The following TET3 variants were observed in gnomAD, a reference collection of about 807,000 sequenced individuals.
The protein encoded by TET3 is tet methylcytosine dioxygenase 3.
TET3 carries 19 observed loss-of-function variants against 141.4 expected under a neutral mutation model. The observed-to-expected ratio is 0.13, with a 90% CI of 0.09 to 0.20. The LOEUF is 0.20. Among genes scored for constraint, TET3 ranks in the 10% least tolerant of loss-of-function variants. The pLI is 1.00. For missense variants in TET3, 1,874 were observed against 2,356.9 expected (o/e 0.80, Z 4.24); for synonymous variants, 1,043 against 980.9 (o/e 1.06, Z -1.18).
Position 74,100,946 on chromosome 2 carries a change from C to T in TET3, c.4158C>T (p.Ala1386=). Residue 1386 remains alanine (A), a synonymous_variant, in exon 12 of 12, where the codon GCC becomes GCT. Coordinates refer to ENST00000409262, the MANE Select transcript of TET3 (RefSeq NM_001287491.2). ...TGTCCAGGGACCCCTCCCCCTTTGC[C>T]CAGAGCTCCAACTGCTACAACAGAT... ...HSVSRDPSPF[A]QSSNCYNRSI... 1 of 1,610,996 alleles carries T rather than the reference C, an allele frequency of 6.2e-7. No individual in the cohort carries two copies. The highest frequency in any genetic ancestry group is 1.1e-5 in the South Asian group (1 of 90,374).
At position 74,087,713 on chromosome 2, in the gene TET3, C is replaced by T; in HGVS notation, c.2680-117C>T. On this transcript the variant is annotated intron_variant, in intron 6 of 11. Coordinates refer to ENST00000409262, the MANE Select transcript of TET3 (RefSeq NM_001287491.2). The surrounding 1 kb of genome is among the most constrained non-coding windows in gnomAD (Gnocchi z 4.3). ...GTTGCTGTCTTCAGGGCATGACATC[C>T]CTAGAACCCTGCCGTTAAGACCTGC... is the stretch of plus-strand genomic sequence containing the variant. 1 of 980,664 alleles carries T rather than the reference C, an allele frequency of 1.0e-6. No homozygotes were observed. The allele number at this position is 980,664 out of a possible 1,614,324, so 60.7% of individuals were successfully genotyped here.
chr2:74,084,146 GA>G (rs1456894608), intron 6 of TET3, among the ~76,000 whole-genome samples: 3 of 152,230 alleles, frequency 2.0e-5, no homozygotes, highest in African/African-American at 7.2e-5. Context: ...CCGTGCCTCA[GA>G]GCAGGAATTC....
At chr2:74,131,235 C>T in the TET3 span, among the ~76,000 whole-genome samples, 2 of 152,288 alleles carry the variant, frequency 1.3e-5, no homozygotes, top group East Asian at 3.9e-4. Context: ...TCTCTTAGCA[C>T]GTTCTTGCCA....
At chr2:74,028,005 G>A (rs919659639) in intron 3 of TET3, among the ~76,000 whole-genome samples, 1 of 150,940 alleles carries the variant, frequency 6.6e-6, no homozygotes, top group African/African-American at 2.4e-5. Context: ...TTTTTTAAGA[G>A]GCAGGGTCTT....
chr2:74,003,143 T>C lies in TET3; in HGVS notation c.337T>C (p.Trp113Arg). ...EIKAGEGAGP[W>R]GQGAAVKTGS... is the part of the protein sequence containing the mutation. ...AAAGGCTGGTGAAGGAGCCGGGCCG[T>C]GGGGACAAGGAGCGGCTGTCAAGGT... Residue 113 changes from tryptophan (W) to arginine (R), a missense_variant, in exon 3 of 12, where the codon TGG becomes CGG. Transcript: ENST00000409262. 6.5e-7 allele frequency: 1 copy of C among 1,550,130 alleles called. No individual in the cohort carries two copies. Among genetic ancestry groups the C allele is most frequent in the Non-Finnish European group, 8.7e-7 (1 of 1,146,866 alleles).
intron 6 of TET3, among the ~76,000 whole-genome samples, chr2:74,082,566 T>TA (rs149497306): frequency 0.07 from 10,679 of 151,518 alleles, 829 homozygotes; most frequent in African/African-American, 0.18. Context: ...GGAGAGGAAA[T>TA]ACTTTTTTTT....
downstream of TET3, among the ~76,000 whole-genome samples, chr2:74,108,897 G>C (rs1404475171): frequency 2.0e-5 from 3 of 152,172 alleles, no homozygotes; most frequent in African/African-American, 7.2e-5. Flanking sequence ...TCATCTCTGA[G>C]GGCATCTGAG....
intron 4 of TET3, among the ~76,000 whole-genome samples, chr2:74,050,853 A>G (rs1017570676): frequency 2.0e-5 from 3 of 151,372 alleles, no homozygotes; most frequent in Non-Finnish European, 4.4e-5. Context: ...CACCCAGCCT[A>G]TGGTTTACTT....
At chr2:74,130,836 G>C in the TET3 span, 1 of 152,272 alleles carries the variant, frequency 6.6e-6, no homozygotes, top group African/African-American at 2.4e-5. Flanking sequence ...AGGCCACGTC[G>C]GGCCTGCCCG....
the TET3 span, chr2:74,122,507 A>AT: frequency 1.2e-4 from 8 of 65,150 alleles, no homozygotes; most frequent in Non-Finnish European, 1.4e-4. Context: ...ATATATATAT[A>AT]TATATTTTTT....
At position 74,036,859 on chromosome 2, in the gene TET3, A is replaced by C. The variant is rs529310172; in HGVS notation, c.361-9419A>C. ...TGCTTCTGCCAGATATGATGACCTC[A>C]GGGAATTAGGCCCATTTCAGCTTTT... On this transcript the variant is annotated intron_variant, in intron 3 of 11. Coordinates refer to ENST00000409262, the MANE Select transcript of TET3 (RefSeq NM_001287491.2). 3.9e-5 allele frequency among the ~76,000 whole-genome samples: 6 copies of C among 152,330 alleles called. No individual in the cohort carries two copies. The East Asian group carries it at 1.2e-3, about 29-fold the overall frequency.
the TET3 span, among the ~76,000 whole-genome samples, chr2:74,129,630 CA>C: frequency 1.3e-4 from 19 of 144,934 alleles, no homozygotes; most frequent in Admixed American, 2.1e-4. Context: ...GACCCTGTCT[CA>C]AAAAAAAAAA....
At chr2:74,112,609 A>T (rs1258758224), downstream of TET3, among the ~76,000 whole-genome samples, 2 of 152,210 alleles carry the variant, frequency 1.3e-5, no homozygotes, top group African/African-American at 2.4e-5. Context: ...AAATTATTTT[A>T]AAAAACAAAT....
Position 74,100,632 on chromosome 2 carries a change from C to T in TET3, c.3844C>T (p.Pro1282Ser). Residue 1282 changes from proline (P) to serine (S), a missense_variant, in exon 12 of 12, where the codon CCG (proline) becomes TCG (serine). Coordinates refer to ENST00000409262, the MANE Select transcript of TET3 (RefSeq NM_001287491.2). ...TGGCTTCCACTCCAAGTACGCTCTCCCGTCTTTTAGCTACTATGGCTTTCC... is the reference window on the plus strand; with the variant it reads ...TGGCTTCCACTCCAAGTACGCTCTCTCGTCTTTTAGCTACTATGGCTTTCC... The part of the protein sequence containing the change: ...VNGFHSKYAL[P>S]SFSYYGFPSS... 1 of 1,614,036 alleles carries T rather than the reference C, an allele frequency of 6.2e-7. No homozygotes were observed. The highest frequency in any genetic ancestry group is 8.5e-7 in the Non-Finnish European group (1 of 1,179,896).
At chr2:73,988,498 A>G (rs544001945) in intron 2 of TET3, among the ~76,000 whole-genome samples, 3 of 152,184 alleles carry the variant, frequency 2.0e-5, no homozygotes, top group Admixed American at 6.5e-5. Context: ...GCTGGGAGTG[A>G]GGCCAGGACC....
chr2:74,084,729 AG>A (rs1690024645), intron 6 of TET3, among the ~76,000 whole-genome samples: 1 of 152,152 alleles, frequency 6.6e-6, no homozygotes, highest in Non-Finnish European at 1.5e-5. Flanking sequence ...CTGGGATTAC[AG>A]GCATGAGCTA....
intron 3 of TET3, among the ~76,000 whole-genome samples, chr2:74,004,416 A>G (rs1573663267): frequency 6.6e-6 from 1 of 152,076 alleles, no homozygotes; most frequent in East Asian, 1.9e-4. Context: ...GCTGGTAGGG[A>G]GGGGCTCTGC....
At chr2:74,125,807 T>C in the TET3 span, among the ~76,000 whole-genome samples, 1 of 152,120 alleles carries the variant, frequency 6.6e-6, no homozygotes, top group Non-Finnish European at 1.5e-5. Flanking sequence ...AGTGTTGGGA[T>C]TACAGGCATG....
At chr2:74,029,208 C>A (rs1686539817) in intron 3 of TET3, among the ~76,000 whole-genome samples, 1 of 152,142 alleles carries the variant, frequency 6.6e-6, no homozygotes, top group Non-Finnish European at 1.5e-5. Flanking sequence ...AAAATCCTAC[C>A]CCTACCTGTT....
Sources: gnomAD v4.1 joint callset for allele counts (sites outside exome capture counted in the v4.1 genomes callset) on GRCh38, gnomAD v4.1.1 for gene constraint, Gnocchi (gnomAD v3.1) non-coding constraint, MANE v1.5 for transcripts, NCBI Gene and HGNC (gene_info 2026-07-23, HGNC 2026-07-21) for gene names.